DAGLA: variants seen among roughly 807,000 people sequenced by gnomAD.
DAGLA encodes the protein diacylglycerol lipase-alpha.
Under a neutral mutation model 102.6 loss-of-function variants are expected in DAGLA, and 22 were observed. That is an observed-to-expected ratio of 0.21 (90% CI 0.15 to 0.31). The LOEUF is 0.31. Among genes scored for constraint, DAGLA ranks in the 10% least tolerant of loss-of-function variants. DAGLA has a pLI of 1.00. For synonymous variants in DAGLA, 578 were observed against 628.9 expected (o/e 0.92, Z 1.21); for missense variants, 927 against 1,446.6 (o/e 0.64, Z 5.83).
chr11:61,706,663 A>G (rs2065152605), intron 1 of DAGLA, among the ~76,000 whole-genome samples: 1 of 152,204 alleles, frequency 6.6e-6, no homozygotes, highest in Non-Finnish European at 1.5e-5. Flanking sequence ...GCGGCCACTG[A>G]AGGTGGAGGA....
intron 9 of DAGLA, among the ~76,000 whole-genome samples, chr11:61,733,189 C>T (rs2065390959): frequency 6.6e-6 from 1 of 152,198 alleles, no homozygotes; most frequent in Non-Finnish European, 1.5e-5. Flanking sequence ...CCTCCAGGCC[C>T]TTGCGGTCAG....
At chr11:61,696,333 G>A (rs987319426) in intron 1 of DAGLA, among the ~76,000 whole-genome samples, 20 of 152,174 alleles carry the variant, frequency 1.3e-4, no homozygotes, top group African/African-American at 4.8e-4. Context: ...GAGAGTGGGG[G>A]TGGAGGTGCC....
At chr11:61,711,826 C>G (rs1432804151) in intron 1 of DAGLA, among the ~76,000 whole-genome samples, 1 of 152,214 alleles carries the variant, frequency 6.6e-6, no homozygotes, top group African/African-American at 2.4e-5. Flanking sequence ...AACCTCAGGC[C>G]TGGCTCTGCC....
Position 61,743,537 on chromosome 11 carries a change from A to G in DAGLA, c.2177A>G (p.Lys726Arg). 6.6e-7 allele frequency: 1 copy of G among 1,515,548 alleles called. No individual in the cohort carries two copies. The highest frequency in any genetic ancestry group is 8.8e-7 in the Non-Finnish European group (1 of 1,137,516). 93.9% of individuals were successfully genotyped at this position (1,515,548 alleles called of 1,614,324 possible). ...GCTCTCCTCTCCCTCTGCAGGAGCA[A>G]GTCCCAGTCTGAGATGAGCCTGGAG... ...ADHRNSSVRS[K>R]SQSEMSLEGF... Residue 726 changes from lysine to arginine, a missense_variant, in exon 20 of 20, where the codon AAG (lysine) becomes AGG (arginine). Coordinates refer to ENST00000257215, the MANE Select transcript of DAGLA (RefSeq NM_006133.3).
chr11:61,694,579 T>G (rs1192848098), intron 1 of DAGLA, among the ~76,000 whole-genome samples: 1 of 152,236 alleles, frequency 6.6e-6, no homozygotes, highest in African/African-American at 2.4e-5. Context: ...TGTCTGCCTT[T>G]CATCCTTTCC....
At chr11:61,713,739 G>A (rs1480487610) in intron 1 of DAGLA, among the ~76,000 whole-genome samples, 1 of 152,186 alleles carries the variant, frequency 6.6e-6, no homozygotes, top group Admixed American at 6.5e-5. Context: ...CTGCTGGGGG[G>A]CGGGCCACCA....
chr11:61,743,543 A>C lies in DAGLA; in HGVS notation c.2183A>C (p.Gln728Pro). ...CTCTCCCTCTGCAGGAGCAAGTCCC[A>C]GTCTGAGATGAGCCTGGAGGGCTTC... ...HRNSSVRSKS[Q>P]SEMSLEGFSE... The change falls in exon 20 of 20, where the codon CAG becomes CCG. Residue 728 changes from glutamine to proline, a missense_variant. Physicochemically the swap from Gln to Pro is moderately conservative, Grantham distance 76. Coordinates refer to ENST00000257215, the MANE Select transcript of DAGLA (RefSeq NM_006133.3). 1 of 1,520,956 alleles carries C rather than the reference A, an allele frequency of 6.6e-7. No homozygotes were observed. Among genetic ancestry groups the C allele is most frequent in the East Asian group, 2.3e-5 (1 of 44,098 alleles). 94.2% of individuals were successfully genotyped at this position (1,520,956 alleles called of 1,614,324 possible).
At chr11:61,731,040 A>G (rs746935659) in intron 8 of DAGLA, among the ~76,000 whole-genome samples, 20 of 152,108 alleles carry the variant, frequency 1.3e-4, no homozygotes, top group Admixed American at 2.6e-4. Flanking sequence ...GGACCAAGTG[A>G]TTTTCTGTCC....
chr11:61,720,629 C>T (rs763432296), intron 2 of DAGLA, 50 bp from the exon 3 acceptor site: 2 of 1,572,660 alleles, frequency 1.3e-6, no homozygotes, highest in East Asian at 2.2e-5. Flanking sequence ...AGTAGCATCT[C>T]GAGGTACAGG....
intron 15 of DAGLA, 36 bp downstream of exon 15, chr11:61,737,791 G>T (rs1450372392): frequency 6.3e-7 from 1 of 1,587,298 alleles, no homozygotes; most frequent in African/African-American, 1.3e-5. Context: ...TCCCTTGCCA[G>T]GCTGTTCCTC....
chr11:61,719,609 A>G (rs943994806), intron 1 of DAGLA, among the ~76,000 whole-genome samples: 4 of 152,348 alleles, frequency 2.6e-5, no homozygotes, highest in African/African-American at 9.6e-5. Flanking sequence ...CCAACCATAC[A>G]GGGTCCCTTG....
In DAGLA at chr11:61,728,962, G is replaced by A; in HGVS notation, c.803G>A (p.Gly268Glu). Reference sequence around the variant, plus strand: ...AATGACATCTTGGCCTTCCTGTCTGGGATGCCGGTGACCAGAAACACCAAG... The same window carrying A: ...AATGACATCTTGGCCTTCCTGTCTGAGATGCCGGTGACCAGAAACACCAAG... ...ANNDILAFLS[G>E]MPVTRNTKYL... The change falls in exon 8 of 20, where the codon GGG becomes GAG. Residue 268 changes from glycine (G) to glutamate (E), a missense_variant. Gly to Glu is a moderately conservative substitution (Grantham distance 98). This residue lies in a region of DAGLA where 231 missense variants were observed against 439.8 expected (regional missense o/e 0.53). Transcript: ENST00000257215. The A allele has an allele frequency of 6.2e-7, 1 of 1,614,166 alleles. No individual in the cohort carries two copies. Among genetic ancestry groups the A allele is most frequent in the Non-Finnish European group, 8.5e-7 (1 of 1,180,030 alleles).
At position 61,731,318 on chromosome 11, in the gene DAGLA, A is replaced by T. The variant is rs2065372115; in HGVS notation, c.851A>T (p.Gln284Leu). 1 of 1,613,728 alleles carries T rather than the reference A, an allele frequency of 6.2e-7. No homozygotes were observed. The highest frequency in any genetic ancestry group is 8.5e-7 in the Non-Finnish European group (1 of 1,179,826). The change falls in exon 9 of 20, where the codon CAA becomes CTA. Residue 284 changes from glutamine to leucine, a missense_variant and splice_region_variant. By Grantham distance (113) the Gln-to-Leu change is moderately radical. This residue lies in a region of DAGLA where 231 missense variants were observed against 439.8 expected (regional missense o/e 0.53). Transcript: ENST00000257215. ...NTKYLDLKNS[Q>L]EMLRYKEVCY... ...CGCCCTCTGCCTCCTCTCTTCTAGC[A>T]AGAGATGCTCCGCTACAAAGAGGTC...
At chr11:61,716,862 G>A (rs1366543911) in intron 1 of DAGLA, among the ~76,000 whole-genome samples, 4 of 152,192 alleles carry the variant, frequency 2.6e-5, no homozygotes, top group Non-Finnish European at 5.9e-5. Flanking sequence ...GTGGGTGGGG[G>A]AAGAAGGAGG....
Position 61,734,838 on chromosome 11 carries a change from C to T in DAGLA, c.975-11C>T, listed in dbSNP as rs1272502480. ...TCCCTGGCCCTGAACTCTCTTGTCA[C>T]CCCACCCTAGGTGTTGCCTGTGTCC... On this transcript the variant is annotated splice_polypyrimidine_tract_variant and intron_variant, in intron 9 of 19. Transcript: ENST00000257215. The surrounding 1 kb of genome is among the most constrained non-coding windows in gnomAD (Gnocchi z 4.2). 2 of 1,608,880 alleles carry T rather than the reference C, an allele frequency of 1.2e-6. No homozygotes were observed. Among genetic ancestry groups the T allele is most frequent in the Middle Eastern group, 3.3e-4 (2 of 6,040 alleles).
In DAGLA at chr11:61,738,177, G is replaced by A; in HGVS notation, c.1626G>A (p.Leu542=). ...SQLEGFRRQL[L]DVLQRSTKPK... is the part of the protein sequence containing the mutation. The stretch of plus-strand genomic sequence containing the variant: ...TGGAAGGCTTCCGCAGACAGCTCCT[G>A]GATGTCCTGCAGCGAAGCACCAAGC... Residue 542 remains leucine (L), a synonymous_variant, in exon 16 of 20, where the codon CTG becomes CTA. Coordinates refer to ENST00000257215, the MANE Select transcript of DAGLA (RefSeq NM_006133.3). 1 of 1,613,492 alleles carries A rather than the reference G, an allele frequency of 6.2e-7. No homozygotes were observed. Among genetic ancestry groups the A allele is most frequent in the Non-Finnish European group, 8.5e-7 (1 of 1,179,986 alleles).
At chr11:61,737,423 G>A (rs2065432673) in intron 14 of DAGLA, 99 bp downstream of exon 14, 5 of 1,539,372 alleles carry the variant, frequency 3.2e-6, no homozygotes, top group Admixed American at 3.4e-5. Context: ...TCTGACTTCT[G>A]GTCACATGGA....
chr11:61,742,447 T>G (rs2065488717), intron 19 of DAGLA, among the ~76,000 whole-genome samples: 1 of 152,202 alleles, frequency 6.6e-6, no homozygotes, highest in Non-Finnish European at 1.5e-5. Context: ...CCCTGCCATT[T>G]GTGCATTTCC....
chr11:61,696,764 C>CGGCA (rs1565248096), intron 1 of DAGLA, among the ~76,000 whole-genome samples: 1 of 152,168 alleles, frequency 6.6e-6, no homozygotes, highest in East Asian at 1.9e-4. Flanking sequence ...GAGCAGGCAG[C>CGGCA]GGCAGGCACT....
Sources: gnomAD v4.1 joint callset for allele counts (sites outside exome capture counted in the v4.1 genomes callset) on GRCh38, gnomAD v4.1.1 for gene constraint, gnomAD v4.1.1 regional missense constraint, Gnocchi (gnomAD v3.1) non-coding constraint, MANE v1.5 for transcripts, NCBI Gene and HGNC (gene_info 2026-07-23, HGNC 2026-07-21) for gene names.